Variants in STK32B observed in about 807,000 individuals in gnomAD.
STK32B encodes serine/threonine kinase 32B, also known as serine/threonine-protein kinase 32B.
STK32B carries 43 observed loss-of-function variants against 52.6 expected under a neutral mutation model. The ratio of observed to expected loss-of-function variants is 0.82; its 90% confidence interval spans 0.64 to 1.05. The LOEUF is 1.05. Among genes scored for constraint, STK32B ranks in the 50% least tolerant of loss-of-function variants. The probability of loss-of-function intolerance (pLI) is 0.00; values close to 1 mark genes in which losing one functional copy is unlikely to be tolerated. For synonymous variants in STK32B, 238 were observed against 204.3 expected, an observed-to-expected ratio of 1.17 and a Z score of -1.41; for missense variants, 621 against 534.6, an observed-to-expected ratio of 1.16 and a Z score of -1.59.
At chr4:5,465,915 C>T (rs528592554) in intron 9 of STK32B, among the ~76,000 whole-genome samples, 7 of 152,276 alleles carry the variant, frequency 4.6e-5, no homozygotes, top group South Asian at 4.1e-4. Context: ...TATTAATTCC[C>T]TATATGGGAA....
intron 1 of STK32B, among the ~76,000 whole-genome samples, chr4:5,077,912 T>C (rs1245536913): frequency 6.6e-6 from 1 of 152,186 alleles, no homozygotes; most frequent in Admixed American, 6.5e-5. Flanking sequence ...GTGAGGATAT[T>C]TCTTGTGTAA....
intron 3 of STK32B, among the ~76,000 whole-genome samples, chr4:5,270,945 G>A (rs886588408): frequency 8.0e-6 from 1 of 124,504 alleles, no homozygotes. Flanking sequence ...CACACCCCCC[G>A]CCCCTCCCGC....
At chr4:5,081,684 T>C (rs1712438734) in intron 1 of STK32B, among the ~76,000 whole-genome samples, 1 of 152,192 alleles carries the variant, frequency 6.6e-6, no homozygotes. Flanking sequence ...TGTTGTGTTT[T>C]TCATTTCGTT....
At chr4:5,052,971 G>T (rs1741849632) in intron 1 of STK32B, among the ~76,000 whole-genome samples, 1 of 152,206 alleles carries the variant, frequency 6.6e-6, no homozygotes, top group African/African-American at 2.4e-5. Flanking sequence ...GTAAGAAGTA[G>T]AGCTGGGCTT....
At chr4:5,344,650 T>G (rs1733325178) in intron 4 of STK32B, among the ~76,000 whole-genome samples, 1 of 152,112 alleles carries the variant, frequency 6.6e-6, no homozygotes, top group Non-Finnish European at 1.5e-5. Flanking sequence ...ATCTGAGTTT[T>G]TTGTTTTTTC....
intron 6 of STK32B, among the ~76,000 whole-genome samples, chr4:5,425,170 A>G (rs914958310): frequency 6.6e-6 from 1 of 152,060 alleles, no homozygotes. Context: ...TGGGATCTGG[A>G]CCAGTAGCAC....
At chr4:5,199,741 A>G (rs1423721015) in intron 3 of STK32B, among the ~76,000 whole-genome samples, 1 of 151,858 alleles carries the variant, frequency 6.6e-6, no homozygotes, top group Non-Finnish European at 1.5e-5. Context: ...TGTGCTGTAC[A>G]TTTTCCTAAA....
intron 2 of STK32B, among the ~76,000 whole-genome samples, chr4:5,164,244 C>T (rs1414229627): frequency 6.6e-6 from 1 of 152,148 alleles, no homozygotes; most frequent in African/African-American, 2.4e-5. Context: ...TGGGTCTGTC[C>T]CATGCCATCA....
At position 5,076,676 on chromosome 4, in the gene STK32B, G is replaced by A. The variant is rs183670651; in HGVS notation, c.52+24761G>A. On this transcript the variant is annotated intron_variant, in intron 1 of 11. Transcript: ENST00000282908. ...TCAGCTAATGCTGTGGAAAATGTAT[G>A]AAAAAGCTGTTGAATTTTAAGTTGA... 1.8e-4 allele frequency among the ~76,000 whole-genome samples: 27 copies of A among 152,258 alleles called. No individual in the cohort carries two copies. In the South Asian group the frequency reaches 4.6e-3, roughly 26 times the overall value.
At chr4:5,241,067 A>T (rs1724990392) in intron 3 of STK32B, among the ~76,000 whole-genome samples, 1 of 152,158 alleles carries the variant, frequency 6.6e-6, no homozygotes, top group South Asian at 2.1e-4. Flanking sequence ...CTCATCTATT[A>T]AAATTATATC....
intron 3 of STK32B, among the ~76,000 whole-genome samples, chr4:5,327,148 G>C (rs1002212490): frequency 1.3e-5 from 2 of 151,804 alleles, no homozygotes; most frequent in African/African-American, 4.8e-5. Flanking sequence ...TTCCACTTCT[G>C]ATTCTAGTAC....
chr4:5,229,480 G>T (rs1285987845), intron 3 of STK32B, among the ~76,000 whole-genome samples: 1 of 152,056 alleles, frequency 6.6e-6, no homozygotes, highest in East Asian at 1.9e-4. Flanking sequence ...TTCTGACCTG[G>T]TTTCTTTGGC....
At chr4:5,096,463 A>G (rs917237055) in intron 1 of STK32B, among the ~76,000 whole-genome samples, 10 of 152,178 alleles carry the variant, frequency 6.6e-5, no homozygotes, top group African/African-American at 2.4e-4. Flanking sequence ...CGCACTCCAG[A>G]TGGCCTTTTG....
At chr4:5,432,166 A>G (rs530424028) in intron 6 of STK32B, 4 of 152,334 alleles carry the variant, frequency 2.6e-5, no homozygotes, top group South Asian at 2.1e-4. Context: ...CTGAAACTCA[A>G]AAGTTAAATG....
In STK32B at chr4:5,498,436, C is replaced by G. The variant is rs181333570; in HGVS notation, c.1107-509C>G. Among the ~76,000 whole-genome samples, 416 of 152,272 alleles carry G rather than the reference C, an allele frequency of 2.7e-3. 6 individuals carry two copies. The highest frequency in any genetic ancestry group is 9.5e-3 in the African/African-American group (394 of 41,560). ...TACTGGTGGGATTCTTTGATTAGTG[C>G]CTGTCTCCCCTTTTGTCATTGAGCT... On this transcript the variant is annotated intron_variant, in intron 11 of 11. Transcript: ENST00000282908.
intron 3 of STK32B, among the ~76,000 whole-genome samples, chr4:5,255,168 C>G (rs1238655064): frequency 6.6e-6 from 1 of 152,038 alleles, no homozygotes; most frequent in Non-Finnish European, 1.5e-5. Context: ...GATAAATGCT[C>G]TAAAGGAAAT....
chr4:5,437,625 T>C (rs186865678), intron 6 of STK32B, among the ~76,000 whole-genome samples: 276 of 152,282 alleles, frequency 1.8e-3, no homozygotes, highest in African/African-American at 6.4e-3. Context: ...GAACATAGCT[T>C]TTAGGGGGCA....
At chr4:5,373,254 A>G (rs571574566) in intron 4 of STK32B, among the ~76,000 whole-genome samples, 79 of 152,294 alleles carry the variant, frequency 5.2e-4, no homozygotes, top group African/African-American at 1.8e-3. Context: ...AAGGTTTACC[A>G]TGAGGAATTG....
At chr4:5,169,833 C>T (rs545679916) in intron 3 of STK32B, among the ~76,000 whole-genome samples, 1 of 152,018 alleles carries the variant, frequency 6.6e-6, no homozygotes, top group Non-Finnish European at 1.5e-5. Context: ...CAAAAATTAC[C>T]CAGAAGCTCT....
Sources: allele counts gnomAD v4.1 joint callset (sites outside exome capture counted in the v4.1 genomes callset), GRCh38; gene constraint gnomAD v4.1.1; transcripts MANE v1.5; gene names NCBI Gene and HGNC (gene_info 2026-07-23, HGNC 2026-07-21).